The following ZNF468 variants were observed in gnomAD, a reference collection of about 807,000 sequenced individuals.
The protein encoded by ZNF468 is zinc finger protein ZNF468.
ZNF468 carries 8 observed loss-of-function variants against 7.2 expected under a neutral mutation model. That is an observed-to-expected ratio of 1.11 (90% CI 0.65 to 2.01). The LOEUF is 2.01. Ranked by LOEUF, ZNF468 falls within the 30% of genes most tolerant of loss-of-function variation. The pLI is 0.00. For synonymous variants in ZNF468, 218 were observed against 214.4 expected (o/e 1.02, Z -0.15); for missense variants, 608 against 626.5 (o/e 0.97, Z 0.31).
rs2063296260 is a variant in ZNF468 at position 52,841,258 on chromosome 19, T to C, written c.1036A>G (p.Thr346Ala). 1.2e-6 allele frequency: 2 copies of C among 1,613,232 alleles called. No homozygotes were observed. The highest frequency in any genetic ancestry group is 1.7e-6 in the Non-Finnish European group (2 of 1,179,604). Residue 346 changes from threonine to alanine, a missense_variant, in exon 4 of 4, where the codon ACT becomes GCT. Physicochemically the swap from Thr to Ala is moderately conservative, Grantham distance 58. Coordinates refer to ENST00000595646, the MANE Select transcript of ZNF468 (RefSeq NM_001008801.2). ...GGTTTCTCTCCAGTGTGAAGTATAGTATGTTTTGCCAGATATGAATTATAT... is the reference window on the plus strand; with the variant it reads ...GGTTTCTCTCCAGTGTGAAGTATAGCATGTTTTGCCAGATATGAATTATAT... ...FAYNSYLAKH[T>A]ILHTGEKPYT... is the part of the protein sequence containing the mutation.
chr19:52,849,268 C>CA, intron 2 of ZNF468, 55 bp from the exon 3 acceptor site: 3 of 1,606,950 alleles, frequency 1.9e-6, no homozygotes, highest in South Asian at 1.1e-5. Context: ...CTTATCTTTA[C>CA]AAAAAATGAG....
At position 52,849,185 on chromosome 19, in the gene ZNF468, A is replaced by G. The variant is rs760275723; in HGVS notation, c.44T>C (p.Ile15Thr). The G allele has an allele frequency of 2.5e-5, 41 of 1,613,822 alleles. No homozygotes were observed. Among genetic ancestry groups the G allele is most frequent in the Admixed American group, 1.0e-4 (6 of 59,988 alleles). The change falls in exon 3 of 4, where the codon ATA (isoleucine) becomes ACA (threonine). Residue 15 changes from isoleucine to threonine, a missense_variant. Transcript: ENST00000595646. ...QGLLTFRDVA[I>T]EFSQEEWKCL... ...TTTCCACTCCTCCTGAGAGAATTCT[A>G]TGGCCACGTCCCTGAATGTCAATAG...
intron 3 of ZNF468, among the ~76,000 whole-genome samples, chr19:52,844,284 T>C (rs1486996207): frequency 4.0e-5 from 6 of 151,052 alleles, no homozygotes; most frequent in Admixed American, 4.0e-4. Flanking sequence ...ATTAAAGAGG[T>C]CCTTGCCTGT....
chr19:52,854,440 T>TAA (rs2063418856), intron 1 of ZNF468, 95 bp from the exon 2 acceptor site: 1 of 1,282,794 alleles, frequency 7.8e-7, no homozygotes, highest in Admixed American at 2.3e-5. Flanking sequence ...CCCTGGGAAA[T>TAA]ACGGTCCCCT....
chr19:52,857,230 A>G (rs772994468), intron 1 of ZNF468, among the ~76,000 whole-genome samples: 1,973 of 150,098 alleles, frequency 0.013, 25 homozygotes, highest in South Asian at 0.027. Flanking sequence ...AACCCAGGAG[A>G]GTAAGGCTGG....
Position 52,854,363 on chromosome 19 carries a change from GTTGT to G in ZNF468, c.-73-22_-73-19del. On this transcript the variant is annotated intron_variant, in intron 1 of 3. Transcript: ENST00000595646. ...AGTCAATCCTGAATGTTAAAAATATGTTGTTTATCACTCAGAATCAACACACCCC... is the reference window on the plus strand; with the variant it reads ...AGTCAATCCTGAATGTTAAAAATATGTTATCACTCAGAATCAACACACCCC... 2 of 1,599,490 alleles carry G rather than the reference GTTGT, an allele frequency of 1.3e-6. No homozygotes were observed. Among genetic ancestry groups the G allele is most frequent in the Non-Finnish European group, 8.6e-7 (1 of 1,169,052 alleles).
intron 3 of ZNF468, among the ~76,000 whole-genome samples, chr19:52,843,026 T>C (rs1050350188): frequency 6.7e-6 from 1 of 148,368 alleles, no homozygotes. Flanking sequence ...GAGGCTGAGG[T>C]ATGATAATCG....
Position 52,852,918 on chromosome 19 carries a change from A to G in ZNF468, c.15+1340T>C, listed in dbSNP as rs543431469. On this transcript the variant is annotated intron_variant, in intron 2 of 3. Coordinates refer to ENST00000595646, the MANE Select transcript of ZNF468 (RefSeq NM_001008801.2). ...TGCCCAGGCTGGAGTGCAGTGGTGCAATCTCAGCTCACTGCAAGCTCTGCC... is the reference window on the plus strand; with the variant it reads ...TGCCCAGGCTGGAGTGCAGTGGTGCGATCTCAGCTCACTGCAAGCTCTGCC... Among the ~76,000 whole-genome samples, 672 of 151,520 alleles carry G rather than the reference A, an allele frequency of 4.4e-3. 6 individuals are homozygous for G. Among genetic ancestry groups the G allele is most frequent in the African/African-American group, 0.015 (619 of 41,318 alleles).
Position 52,849,096 on chromosome 19 carries a change from C to T in ZNF468, c.133G>A (p.Val45Ile), listed in dbSNP as rs759202350. The T allele has an allele frequency of 7.4e-6, 12 of 1,613,682 alleles. No homozygotes were observed. The African/African-American group carries it at 9.3e-5, about 13-fold the overall frequency. Residue 45 changes from valine (V) to isoleucine (I), a missense_variant, in exon 3 of 4, where the codon GTC (valine) becomes ATC (isoleucine). Val to Ile is a conservative substitution (Grantham distance 29). Coordinates refer to ENST00000595646, the MANE Select transcript of ZNF468 (RefSeq NM_001008801.2). ...DVMLENYRNL[V>I]SLDISSKCML... is the part of the protein sequence containing the mutation. Reference sequence around the variant, plus strand: ...GGGAAGTTATCCTCACCCAGGGAGACGAGGTTCCTATAATTCTCCAGCATC... The same window carrying T: ...GGGAAGTTATCCTCACCCAGGGAGATGAGGTTCCTATAATTCTCCAGCATC...
intron 3 of ZNF468, among the ~76,000 whole-genome samples, chr19:52,844,595 G>A (rs1378679303): frequency 2.0e-5 from 3 of 152,056 alleles, no homozygotes; most frequent in South Asian, 2.1e-4. Context: ...CTGGAGTGCA[G>A]TGGCATGATC....
At chr19:52,842,222 T>C (rs1470952385) in intron 3 of ZNF468, 71 bp from the exon 4 acceptor site, 23 of 1,305,814 alleles carry the variant, frequency 1.8e-5, no homozygotes, top group Admixed American at 2.6e-5. Context: ...TGTGTAAATA[T>C]CACAGAAAAA....
chr19:52,855,368 G>A (rs1194957990), intron 1 of ZNF468, among the ~76,000 whole-genome samples: 2 of 152,190 alleles, frequency 1.3e-5, no homozygotes, highest in Non-Finnish European at 2.9e-5. Context: ...AATAAGAGCA[G>A]GGACAACAAC....
At chr19:52,857,474 G>A (rs1380347502) in intron 1 of ZNF468, 98 bp downstream of exon 1, 1 of 152,360 alleles carries the variant, frequency 6.6e-6, no homozygotes, top group Non-Finnish European at 1.5e-5. Flanking sequence ...AGGAAGAAAG[G>A]CGAGAACTTC....
chr19:52,844,231 T>C (rs2063326452), intron 3 of ZNF468, among the ~76,000 whole-genome samples: 1 of 152,102 alleles, frequency 6.6e-6, no homozygotes, highest in Non-Finnish European at 1.5e-5. Flanking sequence ...TAGTCATGGG[T>C]GTTGACTACT....
chr19:52,853,448 G>C (rs1408008684), intron 2 of ZNF468, among the ~76,000 whole-genome samples: 1 of 151,338 alleles, frequency 6.6e-6, no homozygotes, highest in East Asian at 1.9e-4. Context: ...CAACACACTG[G>C]GGGGCCGAGG....
chr19:52,856,846 ATTC>A (rs967203241), intron 1 of ZNF468, among the ~76,000 whole-genome samples: 48 of 151,674 alleles, frequency 3.2e-4, no homozygotes, highest in African/African-American at 1.1e-3. Flanking sequence ...GGTCTTTCTC[ATTC>A]TTCTTTTCTC....
intron 1 of ZNF468, among the ~76,000 whole-genome samples, chr19:52,854,844 G>A (rs1409590290): frequency 5.3e-5 from 8 of 152,054 alleles, no homozygotes; most frequent in Admixed American, 2.6e-4. Context: ...GGCCAACATG[G>A]TGACACCCTG....
intron 3 of ZNF468, among the ~76,000 whole-genome samples, chr19:52,848,886 C>G (rs2063361058): frequency 6.6e-6 from 1 of 152,110 alleles, no homozygotes; most frequent in Non-Finnish European, 1.5e-5. Flanking sequence ...ACTTCTGGAA[C>G]CCCCACTGAG....
chr19:52,852,812 AAAAGT>A (rs1034161183), intron 2 of ZNF468, among the ~76,000 whole-genome samples: 2 of 152,108 alleles, frequency 1.3e-5, no homozygotes, highest in Non-Finnish European at 2.9e-5. Context: ...ACATAGCCCC[AAAAGT>A]AAAGTAAAAA....
Sources: allele counts gnomAD v4.1 joint callset (sites outside exome capture counted in the v4.1 genomes callset), GRCh38; gene constraint gnomAD v4.1.1; transcripts MANE v1.5; gene names NCBI Gene and HGNC (gene_info 2026-07-23, HGNC 2026-07-21).